Variants in ADGRA3 observed in about 807,000 individuals in gnomAD.
ADGRA3 encodes G-protein coupled receptor 125.
A neutral mutation model predicts 119.8 loss-of-function variants in ADGRA3; 56 were observed. That is an observed-to-expected ratio of 0.47 (90% confidence interval 0.38 to 0.58). The LOEUF (loss-of-function observed/expected upper bound fraction) is 0.58. Among genes scored for constraint, ADGRA3 ranks in the 20% least tolerant of loss-of-function variants. The pLI, the probability that ADGRA3 is intolerant of heterozygous loss-of-function variation, is 0.00. For missense variants in ADGRA3, 1,516 were observed against 1,649.0 expected, an observed-to-expected ratio of 0.92 and a Z score of 1.40; for synonymous variants, 607 against 623.8, an observed-to-expected ratio of 0.97 and a Z score of 0.40.
At chr4:22,452,348 T>G (rs1277014517) in intron 4 of ADGRA3, among the ~76,000 whole-genome samples, 2 of 152,160 alleles carry the variant, frequency 1.3e-5, no homozygotes, top group Non-Finnish European at 2.9e-5. Context: ...TTGACCACCA[T>G]GCAATCTATG....
chr4:22,468,720 G>C lies in ADGRA3; in HGVS notation c.329+5052C>G, dbSNP rs552528274. On this transcript the variant is annotated intron_variant, in intron 2 of 18. Transcript: ENST00000334304. ...GGAGGTGGAAGTTGCAGGAAGCCAA[G>C]ATCATGCCACCACACTCCAGCTTGG... 8.7e-5 allele frequency among the ~76,000 whole-genome samples: 13 copies of C among 149,706 alleles called. No individual in the cohort carries two copies. In the South Asian group the frequency reaches 2.8e-3, roughly 32 times the overall value.
chr4:22,433,871 G>A (rs2109057550), intron 10 of ADGRA3, among the ~76,000 whole-genome samples: 1 of 152,236 alleles, frequency 6.6e-6, no homozygotes, highest in South Asian at 2.1e-4. Flanking sequence ...GCAGGAAAGT[G>A]GGCTGTGCCC....
intron 16 of ADGRA3, among the ~76,000 whole-genome samples, chr4:22,400,181 T>A (rs1199818168): frequency 6.6e-6 from 1 of 152,078 alleles, no homozygotes; most frequent in African/African-American, 2.4e-5. Context: ...AATTTATAGG[T>A]GAGAAAACTG....
intron 14 of ADGRA3, among the ~76,000 whole-genome samples, chr4:22,407,991 A>G (rs2109016199): frequency 6.6e-6 from 1 of 152,254 alleles, no homozygotes; most frequent in South Asian, 2.1e-4. Flanking sequence ...ATAAGAGTTT[A>G]CCATTAAAAT....
At chr4:22,500,549 T>C (rs1175576257) in intron 1 of ADGRA3, among the ~76,000 whole-genome samples, 1 of 149,208 alleles carries the variant, frequency 6.7e-6, no homozygotes, top group Non-Finnish European at 1.5e-5. Flanking sequence ...GTTTCTCTAG[T>C]CATGGGAGTT....
intron 3 of ADGRA3, among the ~76,000 whole-genome samples, chr4:22,456,647 T>C (rs1190416970): frequency 6.6e-6 from 1 of 152,180 alleles, no homozygotes; most frequent in Non-Finnish European, 1.5e-5. Flanking sequence ...ACAGGATTCA[T>C]AGGCCCTCCA....
chr4:22,501,000 T>C (rs886459598), intron 1 of ADGRA3, among the ~76,000 whole-genome samples: 1 of 152,264 alleles, frequency 6.6e-6, no homozygotes, highest in Middle Eastern at 3.4e-3. Context: ...TCTTAAGCTT[T>C]CAGACCCAGC....
At chr4:22,406,014 C>T (rs1052072790) in intron 14 of ADGRA3, among the ~76,000 whole-genome samples, 1 of 152,062 alleles carries the variant, frequency 6.6e-6, no homozygotes, top group African/African-American at 2.4e-5. Flanking sequence ...TCCTTTCTAC[C>T]TCCATGAGAT....
chr4:22,442,135 T>C (rs1316863367), intron 7 of ADGRA3, among the ~76,000 whole-genome samples: 2 of 152,178 alleles, frequency 1.3e-5, no homozygotes, highest in African/African-American at 2.4e-5. Flanking sequence ...GATAATATCA[T>C]ATATATTCTT....
At chr4:22,434,797 C>T (rs1421152847) in intron 10 of ADGRA3, among the ~76,000 whole-genome samples, 2 of 152,134 alleles carry the variant, frequency 1.3e-5, no homozygotes, top group Non-Finnish European at 2.9e-5. Context: ...AGTTAAAATA[C>T]GCCACTTTTA....
intron 18 of ADGRA3, 35 bp downstream of exon 18, chr4:22,389,053 C>A: frequency 1.2e-6 from 2 of 1,601,082 alleles, no homozygotes; most frequent in Non-Finnish European, 1.7e-6. Flanking sequence ...AGAGAAACAA[C>A]TGGGTCAAGT....
intron 1 of ADGRA3, among the ~76,000 whole-genome samples, chr4:22,497,942 TA>T (rs74413790): frequency 0.022 from 2,491 of 111,386 alleles, 39 homozygotes; most frequent in African/African-American, 0.071. Context: ...AGACCCCATC[TA>T]AAAAAAAAAA....
chr4:22,507,173 G>A (rs1719270315), intron 1 of ADGRA3, among the ~76,000 whole-genome samples: 1 of 152,118 alleles, frequency 6.6e-6, no homozygotes, highest in Non-Finnish European at 1.5e-5. Context: ...CCAGGTGGTG[G>A]AGCTTGCAGT....
chr4:22,431,519 G>T (rs1191992818), intron 10 of ADGRA3, among the ~76,000 whole-genome samples: 1 of 152,202 alleles, frequency 6.6e-6, no homozygotes, highest in Non-Finnish European at 1.5e-5. Context: ...GCTGTTGTGT[G>T]AATAAGTCTC....
chr4:22,473,420 T>C (rs952858782), intron 2 of ADGRA3, among the ~76,000 whole-genome samples: 2 of 152,212 alleles, frequency 1.3e-5, no homozygotes, highest in Non-Finnish European at 2.9e-5. Context: ...ACCTCTGGTA[T>C]AAGTAAAGAT....
intron 14 of ADGRA3, among the ~76,000 whole-genome samples, chr4:22,403,133 G>T (rs909965032): frequency 1.3e-5 from 2 of 151,976 alleles, no homozygotes; most frequent in Non-Finnish European, 2.9e-5. Flanking sequence ...CCTTTTCAAT[G>T]CCCTTTAAGC....
At chr4:22,504,879 T>C (rs1203540491) in intron 1 of ADGRA3, among the ~76,000 whole-genome samples, 2 of 152,050 alleles carry the variant, frequency 1.3e-5, no homozygotes. Context: ...CCAGGCCCCA[T>C]CCCTGAACAA....
At chr4:22,417,524 C>A (rs895290265) in intron 12 of ADGRA3, among the ~76,000 whole-genome samples, 1 of 152,102 alleles carries the variant, frequency 6.6e-6, no homozygotes, top group African/African-American at 2.4e-5. Context: ...GCATAACAGC[C>A]GAGAAACTGA....
Position 22,419,853 on chromosome 4 carries a change from T to C in ADGRA3, c.1809+1033A>G, listed in dbSNP as rs559090640. On this transcript the variant is annotated intron_variant, in intron 12 of 18. Coordinates refer to ENST00000334304, the MANE Select transcript of ADGRA3 (RefSeq NM_145290.4). The stretch of plus-strand genomic sequence containing the variant: ...TGGCACAGTGCATCAAATACTCTCT[T>C]AGCGCCAATATTAACAGGCAAATCT... Among the ~76,000 whole-genome samples, 134 of 152,298 alleles carry C rather than the reference T, an allele frequency of 8.8e-4. 1 individual carries two copies. Among genetic ancestry groups the C allele is most frequent in the African/African-American group, 3.1e-3 (130 of 41,570 alleles).
Sources: gnomAD v4.1 joint callset for allele counts (sites outside exome capture counted in the v4.1 genomes callset) on GRCh38, gnomAD v4.1.1 for gene constraint, MANE v1.5 for transcripts, NCBI Gene and HGNC (gene_info 2026-07-23, HGNC 2026-07-21) for gene names.